Variants in RRM2 observed in about 807,000 individuals in gnomAD.
The protein encoded by RRM2 is ribonucleotide reductase regulatory subunit M2.
In RRM2, 6 loss-of-function variants were observed where a neutral mutation model predicts 45.9. That is an observed-to-expected ratio of 0.13 (90% confidence interval 0.07 to 0.26). RRM2 has a LOEUF of 0.26. Ranked by LOEUF, RRM2 falls within the 10% of genes least tolerant of loss-of-function variation. The probability of loss-of-function intolerance (pLI) is 1.00; values close to 1 mark genes in which losing one functional copy is unlikely to be tolerated. For missense variants in RRM2, 343 were observed against 489.5 expected, an observed-to-expected ratio of 0.70 and a Z score of 2.82; for synonymous variants, 177 against 173.0, an observed-to-expected ratio of 1.02 and a Z score of -0.18.
rs1394394874 is a variant in RRM2 at position 10,164,046 on chromosome 2, A to G, written n.482+21671A>G. Among the ~76,000 whole-genome samples the G allele has an allele frequency of 2.0e-5, 3 of 151,142 alleles. No homozygotes were observed. The East Asian group carries it at 5.8e-4, about 29-fold the overall frequency. ...TGTGTGCATGAGTGTGAGTGTGAAT[A>G]TGTGTGTGTGCATGAGTGAACGTGT... On this transcript the variant is annotated intron_variant and non_coding_transcript_variant, in intron 3 of 3. Transcript: ENST00000381786.
rs540199696 is a variant in RRM2 at position 10,165,203 on chromosome 2, G to A, written n.482+22828G>A. Among the ~76,000 whole-genome samples, 8 of 152,254 alleles carry A rather than the reference G, an allele frequency of 5.3e-5. No individual in the cohort carries two copies. The South Asian group carries it at 1.5e-3, about 28-fold the overall frequency. ...TGAGCTCAAGCAATCCGGCTGCCTCGACCTCCCAAAGTGTTGGGATTCCAG... is the reference window on the plus strand; with the variant it reads ...TGAGCTCAAGCAATCCGGCTGCCTCAACCTCCCAAAGTGTTGGGATTCCAG... On this transcript the variant is annotated intron_variant and non_coding_transcript_variant, in intron 3 of 3. Transcript: ENST00000381786.
chr2:10,130,029 TTG>T lies in RRM2; in HGVS notation c.*647_*648del, dbSNP rs1662863950. On this transcript the variant is annotated 3_prime_UTR_variant, in exon 10 of 10. Transcript: ENST00000304567. ...CAGTTGGTGCCAGATAGAAGACAGG[TTG>T]TGTTTTTATCCTGTGGCTTGTGTAG... The T allele has an allele frequency of 6.6e-6, 1 of 152,222 alleles. No homozygotes were observed. Among genetic ancestry groups the T allele is most frequent in the Non-Finnish European group, 1.5e-5 (1 of 68,066 alleles). The allele number at this position is 152,222 out of a possible 1,614,324, so 9.4% of individuals were successfully genotyped here.
chr2:10,126,778 G>C, intron 5 of RRM2, 97 bp from the exon 6 acceptor site: 2 of 840,802 alleles, frequency 2.4e-6, no homozygotes, highest in Non-Finnish European at 1.9e-6. Flanking sequence ...GCAAATACTT[G>C]AATTTGGCCT....
intron 3 of RRM2, among the ~76,000 whole-genome samples, chr2:10,142,896 CAG>C (rs1203638719): frequency 2.6e-5 from 4 of 152,176 alleles, no homozygotes; most frequent in Non-Finnish European, 5.9e-5. Context: ...GGTTTTGAGA[CAG>C]AGTCTTGCTC....
downstream of RRM2, among the ~76,000 whole-genome samples, chr2:10,133,198 G>T (rs1420769431): frequency 2.0e-5 from 3 of 152,366 alleles, no homozygotes; most frequent in South Asian, 4.1e-4. Context: ...TTGGGGAAAA[G>T]GCAGCCCTGC....
intron 4 of RRM2, chr2:10,124,108 CTTTTTT>C (rs35723300): frequency 2.3e-4 from 59 of 252,176 alleles, no homozygotes; most frequent in Non-Finnish European, 3.4e-4. Context: ...TCTGCCCCCT[CTTTTTT>C]TTTTTTTTTT....
At chr2:10,183,619 G>A (rs1243808246) in intron 3 of RRM2, among the ~76,000 whole-genome samples, 2 of 152,200 alleles carry the variant, frequency 1.3e-5, no homozygotes, top group South Asian at 2.1e-4. Flanking sequence ...GGAGGCCAAG[G>A]TGGGCAGATC....
At chr2:10,137,884 T>TG (rs908660613), upstream of RRM2, among the ~76,000 whole-genome samples, 1 of 152,234 alleles carries the variant, frequency 6.6e-6, no homozygotes, top group African/African-American at 2.4e-5. Flanking sequence ...GAACAGGTCC[T>TG]GCAGCTGCTC....
rs1267226247 is a variant in RRM2 at position 10,122,760 on chromosome 2, C to T, written c.-39C>T. On this transcript the variant is annotated 5_prime_UTR_variant, in exon 1 of 10. Coordinates refer to ENST00000304567, the MANE Select transcript of RRM2 (RefSeq NM_001034.4). ...GCCCGTGCACCCTGTCCCAGCCGTC[C>T]TGTCCTGGCTGCTCGCTCTGCTTCG... 3.8e-6 allele frequency: 6 copies of T among 1,560,868 alleles called. No individual in the cohort carries two copies. Among genetic ancestry groups the T allele is most frequent in the Admixed American group, 1.9e-5 (1 of 51,634 alleles).
chr2:10,199,787 A>ACAAAAAC (rs1664502486), intron 3 of RRM2, among the ~76,000 whole-genome samples: 1 of 139,180 alleles, frequency 7.2e-6, no homozygotes, highest in Non-Finnish European at 1.5e-5. Context: ...CTCAAAAAAA[A>ACAAAAAC]AAAAAAAAAA....
intron 3 of RRM2, among the ~76,000 whole-genome samples, chr2:10,158,766 C>T (rs1232909277): frequency 2.0e-5 from 3 of 152,074 alleles, no homozygotes; most frequent in South Asian, 2.1e-4. Context: ...GGGCCGGGGC[C>T]GTGCTCTGAG....
chr2:10,208,116 GGAAGA>G (rs554455096), intron 3 of RRM2, among the ~76,000 whole-genome samples: 4 of 152,192 alleles, frequency 2.6e-5, no homozygotes, highest in Non-Finnish European at 5.9e-5. Context: ...TTGGGAATTG[GGAAGA>G]GAAAAGAGAG....
chr2:10,140,247 TA>T (rs2125311459), upstream of RRM2, among the ~76,000 whole-genome samples: 1 of 151,918 alleles, frequency 6.6e-6, no homozygotes, highest in East Asian at 1.9e-4. Flanking sequence ...ACTCTGTCTC[TA>T]AAAAAGAAAA....
chr2:10,201,159 A>AG (rs1553329678), intron 3 of RRM2, among the ~76,000 whole-genome samples: 107 of 150,904 alleles, frequency 7.1e-4, no homozygotes, highest in African/African-American at 1.9e-3. Context: ...AAAAAAAAAA[A>AG]AAAGAAAGAA....
intron 3 of RRM2, among the ~76,000 whole-genome samples, chr2:10,196,941 T>C (rs559193316): frequency 3.5e-4 from 53 of 152,270 alleles, no homozygotes; most frequent in African/African-American, 1.2e-3. Context: ...CACCTCCCTC[T>C]CTCAAGCACC....
chr2:10,210,386 C>T (rs13406078), exon 4 of RRM2: 20 of 1,367,376 alleles, frequency 1.5e-5, no homozygotes, highest in African/African-American at 1.0e-4. Context: ...GGAGAGCCAC[C>T]GTGGTGCTCA....
At chr2:10,155,150 C>A (rs4669535) in intron 3 of RRM2, 14 of 332,874 alleles carry the variant, frequency 4.2e-5, no homozygotes, top group African/African-American at 2.9e-4. Flanking sequence ...ACATCACTCT[C>A]GGATCCTGTT....
At chr2:10,136,300 C>T (rs781484915), downstream of RRM2, among the ~76,000 whole-genome samples, 3 of 152,222 alleles carry the variant, frequency 2.0e-5, no homozygotes, top group Non-Finnish European at 2.9e-5. Context: ...GCATGTGCTG[C>T]GATGGAGATG....
intron 3 of RRM2, among the ~76,000 whole-genome samples, chr2:10,161,677 C>T (rs1663559081): frequency 7.0e-6 from 1 of 142,492 alleles, no homozygotes; most frequent in East Asian, 2.0e-4. Context: ...CACACACACA[C>T]ATTCACACAC....
Sources: allele counts gnomAD v4.1 joint callset (sites outside exome capture counted in the v4.1 genomes callset), GRCh38; gene constraint gnomAD v4.1.1; transcripts MANE v1.5; gene names NCBI Gene and HGNC (gene_info 2026-07-23, HGNC 2026-07-21).